The following TM2D3 variants were observed in gnomAD, a reference collection of about 807,000 sequenced individuals.
The protein encoded by TM2D3 is TM2 domain containing 3.
In TM2D3, 33 loss-of-function variants were observed where a neutral mutation model predicts 27.3. That is an observed-to-expected ratio of 1.21 (90% CI 0.92 to 1.61). The LOEUF is 1.61. Among genes scored for constraint, TM2D3 ranks in the 40% most tolerant of loss-of-function variants. TM2D3 has a pLI of 0.00. For missense variants in TM2D3, 364 were observed against 320.8 expected (o/e 1.13, Z -1.03); for synonymous variants, 138 against 122.2 (o/e 1.13, Z -0.85).
intron 3 of TM2D3, among the ~76,000 whole-genome samples, chr15:101,648,657 T>C (rs1197463012): frequency 6.6e-6 from 1 of 152,244 alleles, no homozygotes; most frequent in African/African-American, 2.4e-5. Context: ...CTACATTTAA[T>C]GTTCCCCAAT....
downstream of TM2D3, among the ~76,000 whole-genome samples, chr15:101,639,235 C>T (rs1012339561): frequency 2.6e-5 from 4 of 152,186 alleles, no homozygotes; most frequent in South Asian, 4.2e-4. Flanking sequence ...ATGAAAGAAA[C>T]GCATACGATG....
intron 1 of TM2D3, 141 bp downstream of exon 1, chr15:101,652,130 A>T: frequency 1.2e-6 from 1 of 804,680 alleles, no homozygotes. Context: ...CAGACTCCAG[A>T]TGCAGCGACA....
At position 101,645,076 on chromosome 15, in the gene TM2D3, A is replaced by C; in HGVS notation, c.578+11T>G. On this transcript the variant is annotated intron_variant, in intron 5 of 5. Transcript: ENST00000333202. ...AAACGGCCTTTTACACTTACGAGTA[A>C]CAAGGCTTACCTTAGAGCCAGAGCC... 1 of 1,612,228 alleles carries C rather than the reference A, an allele frequency of 6.2e-7. No homozygotes were observed. Among genetic ancestry groups the C allele is most frequent in the Non-Finnish European group, 8.5e-7 (1 of 1,179,104 alleles).
intron 1 of TM2D3, chr15:101,651,991 G>A (rs1042810478): frequency 2.9e-5 from 17 of 596,424 alleles, no homozygotes; most frequent in Non-Finnish European, 4.7e-5. Context: ...GGATGACATC[G>A]CGCTCCAGTT....
chr15:101,651,683 A>G lies in TM2D3; in HGVS notation c.169+13T>C. 1 of 1,612,536 alleles carries G rather than the reference A, an allele frequency of 6.2e-7. No individual in the cohort carries two copies. The highest frequency in any genetic ancestry group is 8.5e-7 in the Non-Finnish European group (1 of 1,178,662). On this transcript the variant is annotated intron_variant, in intron 2 of 5. Transcript: ENST00000333202. The stretch of plus-strand genomic sequence containing the variant: ...AACTACATGTATTTACTAGAATAGA[A>G]AACGTCTAGTACCTGCTGCCCTGGG...
Position 101,642,633 on chromosome 15 carries a change from C to T in TM2D3, c.590G>A (p.Gly197Asp). The T allele has an allele frequency of 6.2e-7, 1 of 1,602,844 alleles. No homozygotes were observed. Among genetic ancestry groups the T allele is most frequent in the Non-Finnish European group, 8.5e-7 (1 of 1,173,948 alleles). ...STALALSITL[G>D]GFGADRFYLG... The stretch of plus-strand genomic sequence containing the variant: ...GTAGAAACGGTCTGCTCCAAACCCA[C>T]CGAGGGTGATGCTGCGATGGCAAAC... The change falls in exon 6 of 6, where the codon GGT (glycine) becomes GAT (aspartate). Residue 197 changes from glycine to aspartate, a missense_variant. Physicochemically the swap from Gly to Asp is moderately conservative, Grantham distance 94. Transcript: ENST00000333202.
Position 101,650,134 on chromosome 15 carries a change from A to G in TM2D3, c.197T>C (p.Met66Thr). The G allele has an allele frequency of 6.2e-7, 1 of 1,614,034 alleles. No homozygotes were observed. Among genetic ancestry groups the G allele is most frequent in the East Asian group, 2.2e-5 (1 of 44,886 alleles). ...ACACAAACCATTGCTCGGACACTTC[A>G]TCACATAAGGTGGGATTTCAGTACT... The part of the protein sequence containing the change: ...AESTEIPPYV[M>T]KCPSNGLCSR... The change falls in exon 3 of 6, where the codon ATG (methionine) becomes ACG (threonine). Residue 66 changes from methionine (M) to threonine (T), a missense_variant. Met to Thr is a moderately conservative substitution (Grantham distance 81). Coordinates refer to ENST00000333202, the MANE Select transcript of TM2D3 (RefSeq NM_078474.3).
chr15:101,644,355 C>A (rs1896749806), intron 5 of TM2D3, among the ~76,000 whole-genome samples: 1 of 152,146 alleles, frequency 6.6e-6, no homozygotes, highest in Admixed American at 6.5e-5. Flanking sequence ...TTGCTACTGA[C>A]AAGTAGTAGG....
intron 4 of TM2D3, chr15:101,636,344 G>C (rs1193478624): frequency 6.6e-6 from 1 of 152,186 alleles, no homozygotes; most frequent in Admixed American, 6.5e-5. Flanking sequence ...AATGAACCAA[G>C]AAACACCCAA....
chr15:101,641,287 A>C (rs558384687), downstream of TM2D3, among the ~76,000 whole-genome samples: 33 of 152,248 alleles, frequency 2.2e-4, no homozygotes, highest in East Asian at 1.5e-3. Flanking sequence ...AAAACAAAAC[A>C]AAACCAGTTT....
At chr15:101,644,136 G>A (rs565559008) in intron 5 of TM2D3, among the ~76,000 whole-genome samples, 2 of 152,280 alleles carry the variant, frequency 1.3e-5, no homozygotes, top group African/African-American at 4.8e-5. Flanking sequence ...GTGAGCCATC[G>A]CGCCCGCCCT....
At chr15:101,635,936 CAT>C (rs1896542292) in intron 4 of TM2D3, 3 of 152,026 alleles carry the variant, frequency 2.0e-5, no homozygotes. Context: ...CCCCTTCTAT[CAT>C]ATGTATGTGT....
chr15:101,644,460 G>A (rs1293089496), intron 5 of TM2D3, among the ~76,000 whole-genome samples: 1 of 152,204 alleles, frequency 6.6e-6, no homozygotes, highest in Non-Finnish European at 1.5e-5. Context: ...TGATGAGGCT[G>A]AGAAATCCTG....
chr15:101,633,119 A>C (rs1896484881), exon 5 of TM2D3: 1 of 152,266 alleles, frequency 6.6e-6, no homozygotes, highest in South Asian at 2.1e-4. Flanking sequence ...TCTCAGATGA[A>C]GAAAATCTAA....
downstream of TM2D3, among the ~76,000 whole-genome samples, chr15:101,639,944 A>C (rs939493469): frequency 6.6e-6 from 1 of 152,112 alleles, no homozygotes; most frequent in Admixed American, 6.5e-5. Flanking sequence ...CCTTCCCGTG[A>C]GGCATTACTG....
downstream of TM2D3, among the ~76,000 whole-genome samples, chr15:101,638,798 A>G (rs1293826781): frequency 6.6e-6 from 1 of 152,186 alleles, no homozygotes; most frequent in Non-Finnish European, 1.5e-5. Flanking sequence ...GGCTTTTCCT[A>G]CAGTGTGTTT....
In TM2D3 at chr15:101,649,079, A is replaced by T. The variant is rs374677721; in HGVS notation, c.327+925T>A. ...CCAATCTAAGGGTTAAAAATGTATTAATTAAATACTATGAGAAAACTTATA... is the reference window on the plus strand; with the variant it reads ...CCAATCTAAGGGTTAAAAATGTATTTATTAAATACTATGAGAAAACTTATA... On this transcript the variant is annotated intron_variant, in intron 3 of 5. Coordinates refer to ENST00000333202, the MANE Select transcript of TM2D3 (RefSeq NM_078474.3). 7.9e-5 allele frequency among the ~76,000 whole-genome samples: 12 copies of T among 152,312 alleles called. No individual in the cohort carries two copies. In the East Asian group the frequency reaches 1.9e-3, roughly 24 times the overall value.
At chr15:101,637,413 A>T (rs1432920104), downstream of TM2D3, among the ~76,000 whole-genome samples, 2 of 152,158 alleles carry the variant, frequency 1.3e-5, no homozygotes, top group East Asian at 3.9e-4. Context: ...CAGAATGTAG[A>T]TTTTTCCAAG....
chr15:101,648,557 C>T (rs1896879855), intron 3 of TM2D3, among the ~76,000 whole-genome samples: 1 of 152,198 alleles, frequency 6.6e-6, no homozygotes, highest in African/African-American at 2.4e-5. Context: ...TCGTCTGGCC[C>T]AGCCGCCGGG....
Sources: allele counts gnomAD v4.1 joint callset (sites outside exome capture counted in the v4.1 genomes callset), GRCh38; gene constraint gnomAD v4.1.1; transcripts MANE v1.5; gene names NCBI Gene and HGNC (gene_info 2026-07-23, HGNC 2026-07-21).